SIRT4: variants seen among roughly 807,000 people sequenced by gnomAD.
SIRT4 encodes NAD-dependent protein lipoamidase sirtuin-4, mitochondrial.
A neutral mutation model predicts 26.1 loss-of-function variants in SIRT4; 23 were observed. That is an observed-to-expected ratio of 0.88 (90% confidence interval 0.63 to 1.25). The LOEUF is 1.25. Among genes scored for constraint, SIRT4 ranks in the 50% most tolerant of loss-of-function variants. The probability of loss-of-function intolerance (pLI) is 0.00; values close to 1 mark genes in which losing one functional copy is unlikely to be tolerated. For synonymous variants in SIRT4, 155 were observed against 158.4 expected (o/e 0.98, Z 0.16); for missense variants, 361 against 405.4 (o/e 0.89, Z 0.94).
At chr12:120,294,951 C>G in the SIRT4 span, among the ~76,000 whole-genome samples, 1 of 151,542 alleles carries the variant, frequency 6.6e-6, no homozygotes, top group Non-Finnish European at 1.5e-5. Context: ...CTCAGCCTCC[C>G]GAGTAACTAA....
At chr12:120,309,521 C>T (rs1872876704) in intron 2 of SIRT4, among the ~76,000 whole-genome samples, 1 of 150,724 alleles carries the variant, frequency 6.6e-6, no homozygotes, top group Non-Finnish European at 1.5e-5. Flanking sequence ...AACCGATTCT[C>T]CTGCCTCAGC....
upstream of SIRT4, among the ~76,000 whole-genome samples, chr12:120,299,222 AAAATAAAT>A (rs34606459): frequency 7.0e-6 from 1 of 143,590 alleles, no homozygotes; most frequent in Admixed American, 7.1e-5. Context: ...CTCCGTCTCA[AAAATAAAT>A]AAATAAATAA....
At chr12:120,304,835 ATTTTT>A (rs1169655844) in intron 2 of SIRT4, among the ~76,000 whole-genome samples, 303 of 24,544 alleles carry the variant, frequency 0.012, no homozygotes, top group Admixed American at 0.037. Context: ...ATATATATAT[ATTTTT>A]TTTTTTTTTT....
In SIRT4 at chr12:120,312,618, C is replaced by G. The variant is rs61761941; in HGVS notation, c.660C>G (p.Cys220Trp). 3 of 1,614,026 alleles carry G rather than the reference C, an allele frequency of 1.9e-6. No individual in the cohort carries two copies. In the African/African-American group the frequency reaches 4.0e-5, roughly 22 times the overall value. The change falls in exon 3 of 4, where the codon TGC becomes TGG. Residue 220 changes from cysteine to tryptophan, a missense_variant. Cys to Trp is a radical substitution (Grantham distance 215). Coordinates refer to ENST00000202967, the MANE Select transcript of SIRT4 (RefSeq NM_012240.3). The part of the protein sequence containing the change: ...EQVRSFQVPT[C>W]VQCGGHLKPD... ...TCCGGAGCTTTCAGGTCCCAACCTGCGTTCAATGTGGAGGCCATCTGAAAC... is the reference window on the plus strand; with the variant it reads ...TCCGGAGCTTTCAGGTCCCAACCTGGGTTCAATGTGGAGGCCATCTGAAAC...
At chr12:120,294,538 T>C in the SIRT4 span, among the ~76,000 whole-genome samples, 1 of 152,120 alleles carries the variant, frequency 6.6e-6, no homozygotes, top group Non-Finnish European at 1.5e-5. Context: ...ATTACAGCCG[T>C]GAGCCACCGC....
In SIRT4 at chr12:120,312,908, C is replaced by G. The variant is rs764854400; in HGVS notation, c.817C>G (p.Leu273Val). 6.2e-7 allele frequency: 1 copy of G among 1,614,152 alleles called. No individual in the cohort carries two copies. The highest frequency in any genetic ancestry group is 1.1e-5 in the South Asian group (1 of 91,080). The change falls in exon 4 of 4, where the codon CTC becomes GTC. Residue 273 changes from leucine (L) to valine (V), a missense_variant. Coordinates refer to ENST00000202967, the MANE Select transcript of SIRT4 (RefSeq NM_012240.3). ...GGTATACTCTGGTTACAGGTTTATC[C>G]TCACTGCCTGGGAGAAGAAGCTCCC... ...LQVYSGYRFILTAWEKKLPIA... is the reference protein window; with the variant it reads ...LQVYSGYRFIVTAWEKKLPIA...
At chr12:120,304,301 C>A (rs1198677689) in intron 2 of SIRT4, among the ~76,000 whole-genome samples, 1 of 152,150 alleles carries the variant, frequency 6.6e-6, no homozygotes, top group Non-Finnish European at 1.5e-5. Context: ...GGGGTTCAGT[C>A]CTGTGAGGGA....
At chr12:120,304,829 A>AT (rs1872684615) in intron 2 of SIRT4, among the ~76,000 whole-genome samples, 3 of 31,160 alleles carry the variant, frequency 9.6e-5, no homozygotes, top group Non-Finnish European at 2.0e-4. Flanking sequence ...ATATATATAT[A>AT]TATATATTTT....
chr12:120,292,241 G>A, the SIRT4 span, among the ~76,000 whole-genome samples: 2 of 152,170 alleles, frequency 1.3e-5, no homozygotes, highest in African/African-American at 2.4e-5. Flanking sequence ...AGCTGTGCTC[G>A]AGGGTGCGGA....
chr12:120,304,853 T>C (rs1872693282), intron 2 of SIRT4, among the ~76,000 whole-genome samples: 2 of 118,078 alleles, frequency 1.7e-5, no homozygotes, highest in African/African-American at 7.1e-5. Context: ...TTTTTTTTTT[T>C]TTTTTTAAAG....
intron 2 of SIRT4, among the ~76,000 whole-genome samples, chr12:120,312,241 T>C (rs1303876395): frequency 1.3e-5 from 2 of 151,602 alleles, no homozygotes; most frequent in African/African-American, 4.9e-5. Context: ...TGAGCTGAGA[T>C]CGTGCCACTG....
chr12:120,299,493 A>G (rs1872467937), upstream of SIRT4, among the ~76,000 whole-genome samples: 1 of 151,330 alleles, frequency 6.6e-6, no homozygotes. Flanking sequence ...CAGAGGCTTC[A>G]GTGAGTGAAG....
upstream of SIRT4, among the ~76,000 whole-genome samples, chr12:120,299,251 T>C (rs1566460748): frequency 8.6e-6 from 1 of 116,572 alleles, no homozygotes; most frequent in Non-Finnish European, 1.9e-5. Flanking sequence ...ATAAATACAA[T>C]AATAATAATA....
At chr12:120,299,413 G>A (rs919820971), upstream of SIRT4, among the ~76,000 whole-genome samples, 1 of 151,478 alleles carries the variant, frequency 6.6e-6, no homozygotes, top group Admixed American at 6.6e-5. Context: ...TTAGCCGGGC[G>A]CAGTGGCGAG....
the SIRT4 span, among the ~76,000 whole-genome samples, chr12:120,292,744 C>T: frequency 7.3e-6 from 1 of 136,930 alleles, no homozygotes; most frequent in South Asian, 2.4e-4. Flanking sequence ...AGGGGTTCGG[C>T]AAAGTTTGCA....
At chr12:120,292,818 A>G in the SIRT4 span, among the ~76,000 whole-genome samples, 1 of 150,888 alleles carries the variant, frequency 6.6e-6, no homozygotes, top group Non-Finnish European at 1.5e-5. Context: ...AAAAGAAAAC[A>G]GTGCGAGAAA....
the SIRT4 span, among the ~76,000 whole-genome samples, chr12:120,295,776 G>A: frequency 6.6e-6 from 1 of 151,758 alleles, no homozygotes; most frequent in Non-Finnish European, 1.5e-5. Context: ...CCTACATCTG[G>A]TCTAGGTGTG....
the SIRT4 span, among the ~76,000 whole-genome samples, chr12:120,292,354 G>A: frequency 6.6e-6 from 1 of 152,208 alleles, no homozygotes; most frequent in African/African-American, 2.4e-5. Context: ...TGTAATCCCA[G>A]CACTCTGGGA....
At chr12:120,302,030 T>C, upstream of SIRT4, among the ~76,000 whole-genome samples, 1 of 129,870 alleles carries the variant, frequency 7.7e-6, no homozygotes, top group Admixed American at 7.6e-5. Flanking sequence ...ACTGGAGTTT[T>C]TTCAAAAAAA....
Sources: gnomAD v4.1 joint callset for allele counts (sites outside exome capture counted in the v4.1 genomes callset) on GRCh38, gnomAD v4.1.1 for gene constraint, MANE v1.5 for transcripts, NCBI Gene and HGNC (gene_info 2026-07-23, HGNC 2026-07-21) for gene names.